XPO7: variants seen among roughly 807,000 people sequenced by gnomAD.
XPO7 encodes exportin-7.
Under a neutral mutation model 144.3 loss-of-function variants are expected in XPO7, and 21 were observed. That is an observed-to-expected ratio of 0.15 (90% confidence interval 0.10 to 0.21). The LOEUF is 0.21. XPO7 is among the 10% of genes least tolerant of loss of function. The probability of loss-of-function intolerance (pLI) is 1.00; values close to 1 mark genes in which losing one functional copy is unlikely to be tolerated. For synonymous variants in XPO7, 580 were observed against 499.6 expected, an observed-to-expected ratio of 1.16 and a Z score of -2.15; for missense variants, 808 against 1,325.8, an observed-to-expected ratio of 0.61 and a Z score of 6.06.
At chr8:21,984,998 C>G (rs1277697793) in intron 12 of XPO7, among the ~76,000 whole-genome samples, 159 bp downstream of exon 12, 3 of 152,218 alleles carry the variant, frequency 2.0e-5, no homozygotes, top group Non-Finnish European at 4.4e-5. Context: ...ATAAATCCCT[C>G]AAGGGACTAG....
chr8:21,982,614 C>A, intron 10 of XPO7, 26 bp from the exon 11 acceptor site: 1 of 1,552,018 alleles, frequency 6.4e-7, no homozygotes. Flanking sequence ...GAAAAATATG[C>A]CTTCTGCTTT....
intron 16 of XPO7, among the ~76,000 whole-genome samples, chr8:21,989,821 CTTTTT>C (rs1170364778): frequency 1.7e-5 from 1 of 59,676 alleles, no homozygotes; most frequent in African/African-American, 4.8e-5. Flanking sequence ...TAGGTGTTTC[CTTTTT>C]TTTTTTTTTT....
chr8:21,955,473 C>T (rs554645869), intron 1 of XPO7, among the ~76,000 whole-genome samples: 2 of 152,314 alleles, frequency 1.3e-5, no homozygotes, highest in East Asian at 1.9e-4. Flanking sequence ...TGAGAATTCT[C>T]ATCCAGGTAT....
At chr8:21,975,752 CA>C (rs1812204479) in intron 6 of XPO7, among the ~76,000 whole-genome samples, 1 of 152,192 alleles carries the variant, frequency 6.6e-6, no homozygotes, top group Non-Finnish European at 1.5e-5. Flanking sequence ...CCATCAGGAA[CA>C]AATAATTAGC....
intron 11 of XPO7, 138 bp from the exon 12 acceptor site, chr8:21,984,508 T>C: frequency 2.5e-6 from 2 of 789,216 alleles, no homozygotes; most frequent in Admixed American, 2.9e-5. Context: ...ACATTCTTCC[T>C]TGGTTAAAAG....
chr8:21,920,261 C>T (rs1411347737), intron 1 of XPO7, among the ~76,000 whole-genome samples: 1 of 152,140 alleles, frequency 6.6e-6, no homozygotes, highest in Non-Finnish European at 1.5e-5. Context: ...GTCTTTCCCG[C>T]CGCCTTCCTC....
intron 1 of XPO7, among the ~76,000 whole-genome samples, chr8:21,957,212 A>T (rs770094889): frequency 1.3e-5 from 2 of 151,682 alleles, no homozygotes; most frequent in Non-Finnish European, 1.5e-5. Context: ...TCATTGACCT[A>T]TTTGTTACAG....
intron 14 of XPO7, among the ~76,000 whole-genome samples, 162 bp from the exon 15 acceptor site, chr8:21,987,622 G>C (rs182925844): frequency 1.3e-5 from 2 of 152,332 alleles, no homozygotes; most frequent in Admixed American, 1.3e-4. Flanking sequence ...CTCAGCATCT[G>C]TCCAGTAATA....
At chr8:21,964,500 C>T (rs1811820970) in intron 1 of XPO7, among the ~76,000 whole-genome samples, 1 of 152,122 alleles carries the variant, frequency 6.6e-6, no homozygotes, top group Admixed American at 6.5e-5. Context: ...ATGTCTCATT[C>T]CTTTCTCCTT....
At chr8:21,925,623 A>G (rs1408393630) in intron 1 of XPO7, among the ~76,000 whole-genome samples, 2 of 152,170 alleles carry the variant, frequency 1.3e-5, no homozygotes, top group Non-Finnish European at 2.9e-5. Flanking sequence ...AGTGTCTGTT[A>G]TATGCCAGGC....
chr8:21,947,434 T>C (rs1811228157), intron 1 of XPO7, among the ~76,000 whole-genome samples: 1 of 152,168 alleles, frequency 6.6e-6, no homozygotes, highest in Admixed American at 6.5e-5. Flanking sequence ...GGTATATTAG[T>C]AATCACAAAT....
chr8:21,979,677 G>A (rs1321337407), intron 8 of XPO7, among the ~76,000 whole-genome samples: 5 of 151,972 alleles, frequency 3.3e-5, no homozygotes, highest in Admixed American at 2.0e-4. Context: ...AGAGTGCTGG[G>A]ATTACAGGCG....
At chr8:21,931,423 T>G (rs1031882) in intron 1 of XPO7, among the ~76,000 whole-genome samples, 85,613 of 151,760 alleles carry the variant, frequency 0.56, 24,626 homozygotes, top group African/African-American at 0.69. Flanking sequence ...GGGATTACAG[T>G]CGTGAGCCAC....
At chr8:21,991,026 C>T in intron 18 of XPO7, 107 bp downstream of exon 18, 1 of 987,654 alleles carries the variant, frequency 1.0e-6, no homozygotes, top group East Asian at 2.4e-5. Flanking sequence ...GTTTTTTCAA[C>T]AGTAACAAAA....
At chr8:21,930,184 A>G (rs931839760) in intron 1 of XPO7, among the ~76,000 whole-genome samples, 2 of 152,162 alleles carry the variant, frequency 1.3e-5, no homozygotes, top group Admixed American at 1.3e-4. Context: ...TACACCCTAA[A>G]TGTTCACCTA....
At chr8:21,956,784 G>C (rs752086787) in intron 1 of XPO7, among the ~76,000 whole-genome samples, 31 of 145,916 alleles carry the variant, frequency 2.1e-4, no homozygotes, top group Admixed American at 1.6e-3. Context: ...TTGCAATTTT[G>C]GGCTTAATTG....
chr8:21,972,890 A>C (rs1002055885), intron 5 of XPO7, among the ~76,000 whole-genome samples: 1 of 152,216 alleles, frequency 6.6e-6, no homozygotes, highest in Non-Finnish European at 1.5e-5. Flanking sequence ...TTGGGAGTCC[A>C]TGTTGTGTTT....
At chr8:21,987,340 G>A (rs1338090779) in intron 14 of XPO7, 64 bp downstream of exon 14, 3 of 1,601,150 alleles carry the variant, frequency 1.9e-6, no homozygotes, top group Admixed American at 3.4e-5. Context: ...GCTGATGGAG[G>A]GAAACAGTTG....
intron 21 of XPO7, among the ~76,000 whole-genome samples, chr8:21,997,688 T>C (rs1045521384): frequency 2.0e-5 from 3 of 152,164 alleles, no homozygotes; most frequent in African/African-American, 7.2e-5. Context: ...CTAGAGTGTT[T>C]TCAGCAAAGG....
Sources: allele counts gnomAD v4.1 joint callset (sites outside exome capture counted in the v4.1 genomes callset), GRCh38; gene constraint gnomAD v4.1.1; transcripts MANE v1.5; gene names NCBI Gene and HGNC (gene_info 2026-07-23, HGNC 2026-07-21).